Variants in CLSTN2 observed in about 807,000 individuals in gnomAD.
CLSTN2 encodes calsyntenin 2.
In CLSTN2, 48 loss-of-function variants were observed where a neutral mutation model predicts 101.2. The observed-to-expected ratio is 0.47, with a 90% CI of 0.38 to 0.60. CLSTN2 has a LOEUF of 0.60. Among genes scored for constraint, CLSTN2 ranks in the 20% least tolerant of loss-of-function variants. CLSTN2 has a pLI of 0.00. For missense variants in CLSTN2, 1,160 were observed against 1,238.2 expected (o/e 0.94, Z 0.95); for synonymous variants, 481 against 463.6 (o/e 1.04, Z -0.48).
chr3:140,516,791 A>C (rs936799801), intron 8 of CLSTN2, among the ~76,000 whole-genome samples: 12 of 152,196 alleles, frequency 7.9e-5, no homozygotes, highest in African/African-American at 2.9e-4. Flanking sequence ...AGTTATCTAA[A>C]GTCAAGACAA....
Position 140,466,760 on chromosome 3 carries a change from A to C in CLSTN2, c.1344+29A>C, listed in dbSNP as rs1363499027. 1.9e-6 allele frequency: 3 copies of C among 1,613,076 alleles called. No homozygotes were observed. In the Admixed American group the frequency reaches 5.0e-5, roughly 27 times the overall value. The stretch of plus-strand genomic sequence containing the variant: ...TGGTGCTCACCTCACACCTGCTGCT[A>C]CTCATGCCTCTGCGGGGGTGGCCAG... On this transcript the variant is annotated intron_variant, in intron 8 of 16. Coordinates refer to ENST00000458420, the MANE Select transcript of CLSTN2 (RefSeq NM_022131.3).
chr3:140,267,964 A>G (rs540518606), intron 2 of CLSTN2, among the ~76,000 whole-genome samples: 70 of 152,318 alleles, frequency 4.6e-4, no homozygotes, highest in Admixed American at 6.5e-4. Flanking sequence ...ATTGACATCC[A>G]TTAGCTCCTG....
intron 2 of CLSTN2, among the ~76,000 whole-genome samples, chr3:140,225,233 C>G (rs1020867203): frequency 2.6e-5 from 4 of 152,188 alleles, no homozygotes; most frequent in African/African-American, 4.8e-5. Context: ...GGACTCCTGT[C>G]CTTCTGGTTG....
At chr3:140,004,213 T>C (rs907493020) in intron 1 of CLSTN2, among the ~76,000 whole-genome samples, 4 of 152,252 alleles carry the variant, frequency 2.6e-5, no homozygotes, top group African/African-American at 7.2e-5. Flanking sequence ...ATTAATTAAA[T>C]AAGTACCTTC....
At chr3:140,007,633 T>C (rs1295853518) in intron 1 of CLSTN2, among the ~76,000 whole-genome samples, 1 of 152,126 alleles carries the variant, frequency 6.6e-6, no homozygotes, top group Admixed American at 6.5e-5. Context: ...CCACTCAGAG[T>C]GAGCTTGCAA....
In CLSTN2 at chr3:140,135,530, C is replaced by A. The variant is rs185535905; in HGVS notation, c.110-40421C>A. ...TTGGATAGAAGAAATCCATGAGCAA[C>A]TAAACTTCTAGGAATGTCAAGGAAA... On this transcript the variant is annotated intron_variant, in intron 1 of 16. Transcript: ENST00000458420. Among the ~76,000 whole-genome samples, 77 of 152,232 alleles carry A rather than the reference C, an allele frequency of 5.1e-4. 1 individual carries two copies. The highest frequency in any genetic ancestry group is 1.6e-3 in the African/African-American group (68 of 41,552).
intron 1 of CLSTN2, among the ~76,000 whole-genome samples, chr3:140,081,213 T>C (rs1352841023): frequency 1.3e-5 from 2 of 152,224 alleles, no homozygotes; most frequent in Non-Finnish European, 1.5e-5. Flanking sequence ...AATTTGGTTT[T>C]TCCCCCCTTA....
At chr3:140,449,127 T>G (rs1252856686) in intron 6 of CLSTN2, among the ~76,000 whole-genome samples, 1 of 152,116 alleles carries the variant, frequency 6.6e-6, no homozygotes, top group African/African-American at 2.4e-5. Context: ...GGGATTGGTC[T>G]CCTCCCCAAA....
At chr3:139,975,731 G>C (rs753610575) in intron 1 of CLSTN2, among the ~76,000 whole-genome samples, 2 of 152,238 alleles carry the variant, frequency 1.3e-5, no homozygotes, top group South Asian at 2.1e-4. Context: ...TGGGACGCAG[G>C]GGGTGCTTGT....
intron 1 of CLSTN2, among the ~76,000 whole-genome samples, chr3:140,090,672 AG>A (rs1462272945): frequency 6.6e-6 from 1 of 152,152 alleles, no homozygotes; most frequent in Non-Finnish European, 1.5e-5. Flanking sequence ...TCTCATGGGA[AG>A]AGTGGGCTAC....
At chr3:140,411,046 C>T (rs538980540) in intron 4 of CLSTN2, among the ~76,000 whole-genome samples, 1 of 152,066 alleles carries the variant, frequency 6.6e-6, no homozygotes, top group Non-Finnish European at 1.5e-5. Context: ...ACAAAACAAC[C>T]AGCAAAGGTT....
chr3:140,257,517 G>A (rs1017427192), intron 2 of CLSTN2, among the ~76,000 whole-genome samples: 4 of 151,908 alleles, frequency 2.6e-5, no homozygotes, highest in African/African-American at 9.7e-5. Context: ...CACTGGGAAA[G>A]AGCAGTAAGC....
intron 2 of CLSTN2, among the ~76,000 whole-genome samples, chr3:140,367,840 G>A (rs1023944809): frequency 6.6e-6 from 1 of 152,166 alleles, no homozygotes; most frequent in Non-Finnish European, 1.5e-5. Flanking sequence ...ACATAGGGAT[G>A]TTTGATTAAA....
chr3:140,069,583 C>T (rs2107776221), intron 1 of CLSTN2, among the ~76,000 whole-genome samples: 1 of 152,330 alleles, frequency 6.6e-6, no homozygotes, highest in East Asian at 1.9e-4. Flanking sequence ...AGCTTTTATG[C>T]TTTGTCTCCA....
At chr3:140,326,920 G>C (rs2087336911) in intron 2 of CLSTN2, among the ~76,000 whole-genome samples, 1 of 152,064 alleles carries the variant, frequency 6.6e-6, no homozygotes, top group African/African-American at 2.4e-5. Context: ...TTTTATATCT[G>C]ACCTTTTATC....
At chr3:140,139,025 G>C (rs971141853) in intron 1 of CLSTN2, among the ~76,000 whole-genome samples, 1 of 152,210 alleles carries the variant, frequency 6.6e-6, no homozygotes, top group Non-Finnish European at 1.5e-5. Context: ...TCTGTCACCT[G>C]GACTTTGTTT....
chr3:140,019,112 C>T (rs2107754818), intron 1 of CLSTN2, among the ~76,000 whole-genome samples: 1 of 152,220 alleles, frequency 6.6e-6, no homozygotes, highest in Non-Finnish European at 1.5e-5. Flanking sequence ...GGGAGATAAA[C>T]CCTCCTTGCT....
chr3:140,449,458 G>A (rs1933186420), intron 6 of CLSTN2: 2 of 152,180 alleles, frequency 1.3e-5, no homozygotes, highest in South Asian at 2.1e-4. Context: ...GAGGGTGAGG[G>A]GCTTAAGATA....
At chr3:140,083,443 A>G (rs531642926) in intron 1 of CLSTN2, among the ~76,000 whole-genome samples, 2 of 152,370 alleles carry the variant, frequency 1.3e-5, no homozygotes, top group South Asian at 4.1e-4. Context: ...TGGATGAATG[A>G]ATTAATGATT....
Sources: gnomAD v4.1 joint callset for allele counts (sites outside exome capture counted in the v4.1 genomes callset) on GRCh38, gnomAD v4.1.1 for gene constraint, MANE v1.5 for transcripts, NCBI Gene and HGNC (gene_info 2026-07-23, HGNC 2026-07-21) for gene names.